LARGE1: variants seen among roughly 807,000 people sequenced by gnomAD.
The protein encoded by LARGE1 is LARGE xylosyl- and glucuronyltransferase 1.
LARGE1 carries 43 observed loss-of-function variants against 87.6 expected under a neutral mutation model. The observed-to-expected ratio is 0.49, with a 90% confidence interval of 0.38 to 0.63. LARGE1 has a LOEUF of 0.63. Among genes scored for constraint, LARGE1 ranks in the 30% least tolerant of loss-of-function variants. The probability of loss-of-function intolerance (pLI) is 0.00; values close to 1 mark genes in which losing one functional copy is unlikely to be tolerated. For synonymous variants in LARGE1, 434 were observed against 394.6 expected (o/e 1.10, Z -1.18); for missense variants, 802 against 1,000.2 (o/e 0.80, Z 2.67).
intron 1 of LARGE1, among the ~76,000 whole-genome samples, chr22:33,804,872 A>G (rs998185131): frequency 4.6e-5 from 7 of 152,194 alleles, no homozygotes; most frequent in African/African-American, 7.2e-5. Context: ...AATGGCCTGC[A>G]AAGGCCAGCA....
chr22:33,602,652 G>A (rs557391946), intron 5 of LARGE1, among the ~76,000 whole-genome samples: 1 of 151,944 alleles, frequency 6.6e-6, no homozygotes, highest in African/African-American at 2.4e-5. Flanking sequence ...CTGACTACAG[G>A]TGTGTGCCGT....
At chr22:33,910,760 G>T (rs759754574) in intron 1 of LARGE1, among the ~76,000 whole-genome samples, 4 of 152,214 alleles carry the variant, frequency 2.6e-5, no homozygotes, top group East Asian at 1.9e-4. Context: ...AGGATGGGGG[G>T]TTGGATCCAG....
At chr22:33,646,758 C>T (rs1024584824) in intron 3 of LARGE1, among the ~76,000 whole-genome samples, 2 of 152,124 alleles carry the variant, frequency 1.3e-5, no homozygotes, top group African/African-American at 2.4e-5. Context: ...GACGGAGTCT[C>T]GCTCTATTGC....
At chr22:33,496,356 C>T (rs1294475489) in intron 6 of LARGE1, among the ~76,000 whole-genome samples, 1 of 152,168 alleles carries the variant, frequency 6.6e-6, no homozygotes, top group Non-Finnish European at 1.5e-5. Context: ...CAAGTTGACA[C>T]TCAATCTTAA....
chr22:33,883,565 C>G (rs2064759099), intron 1 of LARGE1, among the ~76,000 whole-genome samples: 2 of 152,236 alleles, frequency 1.3e-5, no homozygotes, highest in Non-Finnish European at 2.9e-5. Context: ...CACACTGTGC[C>G]CAGGAGACCC....
chr22:33,518,167 C>A (rs1032941877), intron 6 of LARGE1, among the ~76,000 whole-genome samples: 1 of 152,224 alleles, frequency 6.6e-6, no homozygotes, highest in African/African-American at 2.4e-5. Flanking sequence ...TTATGCTGAG[C>A]GCTGCTCTAA....
chr22:33,605,399 A>G (rs2079225081), intron 4 of LARGE1, among the ~76,000 whole-genome samples: 3 of 152,200 alleles, frequency 2.0e-5, no homozygotes. Flanking sequence ...CCGGAGTTAA[A>G]TGGAAACAGG....
At chr22:33,665,105 A>T (rs145210637) in intron 2 of LARGE1, among the ~76,000 whole-genome samples, 1 of 152,256 alleles carries the variant, frequency 6.6e-6, no homozygotes, top group African/African-American at 2.4e-5. Context: ...GTTCATTAGG[A>T]ATCTGCTTAA....
the LARGE1 span, among the ~76,000 whole-genome samples, chr22:33,145,281 G>A: frequency 1.3e-5 from 2 of 152,164 alleles, no homozygotes; most frequent in Non-Finnish European, 2.9e-5. Flanking sequence ...ACCACCATGT[G>A]CCTGCTGTGT....
chr22:33,681,007 T>C (rs1347678104), intron 2 of LARGE1, among the ~76,000 whole-genome samples: 1 of 152,026 alleles, frequency 6.6e-6, no homozygotes, highest in Non-Finnish European at 1.5e-5. Flanking sequence ...TCAGGTTTCT[T>C]AATTTCGCCA....
intron 7 of LARGE1, among the ~76,000 whole-genome samples, chr22:33,416,521 T>G (rs2066489476): frequency 6.6e-6 from 1 of 152,206 alleles, no homozygotes; most frequent in Non-Finnish European, 1.5e-5. Flanking sequence ...TTTTTGGCTC[T>G]ATGTGGGTCA....
chr22:33,369,360 T>A (rs1244419553), intron 9 of LARGE1, among the ~76,000 whole-genome samples: 2 of 152,280 alleles, frequency 1.3e-5, no homozygotes, highest in East Asian at 3.9e-4. Flanking sequence ...TTTCAGAGAC[T>A]CCAGCTAATT....
At chr22:33,281,131 G>C (rs5998840) in intron 13 of LARGE1, among the ~76,000 whole-genome samples, 9,877 of 152,198 alleles carry the variant, frequency 0.065, 1,090 homozygotes, top group African/African-American at 0.23. Flanking sequence ...TTAGCACTTG[G>C]CATGATGGCT....
chr22:33,506,832 C>T (rs2070787172), intron 6 of LARGE1, among the ~76,000 whole-genome samples: 1 of 152,040 alleles, frequency 6.6e-6, no homozygotes, highest in Non-Finnish European at 1.5e-5. Context: ...ACCCAGGAGG[C>T]GGAGGTTGCA....
At chr22:33,086,833 G>C in the LARGE1 span, among the ~76,000 whole-genome samples, 5 of 152,152 alleles carry the variant, frequency 3.3e-5, no homozygotes, top group Non-Finnish European at 7.4e-5. Flanking sequence ...TTACAGGCGT[G>C]AGCCACCAAA....
chr22:33,395,794 T>A (rs1386605415), intron 7 of LARGE1, among the ~76,000 whole-genome samples: 1 of 152,250 alleles, frequency 6.6e-6, no homozygotes, highest in Non-Finnish European at 1.5e-5. Context: ...TGTAGCATTC[T>A]GTAGGATGCT....
intron 12 of LARGE1, among the ~76,000 whole-genome samples, chr22:33,295,007 T>C (rs1428110535): frequency 6.6e-6 from 1 of 152,220 alleles, no homozygotes; most frequent in African/African-American, 2.4e-5. Flanking sequence ...GCACTTATCT[T>C]TGACTAGGTT....
At chr22:33,566,989 C>T (rs1391904201) in intron 5 of LARGE1, among the ~76,000 whole-genome samples, 3 of 152,166 alleles carry the variant, frequency 2.0e-5, no homozygotes, top group African/African-American at 7.2e-5. Context: ...CACCCTACAC[C>T]CAGGCATCAT....
intron 10 of LARGE1, among the ~76,000 whole-genome samples, chr22:33,333,228 C>T (rs1287544609): frequency 6.6e-6 from 1 of 152,064 alleles, no homozygotes; most frequent in Non-Finnish European, 1.5e-5. Flanking sequence ...CCGTGTTAGC[C>T]AGGATGGTCT....
Sources: allele counts gnomAD v4.1 joint callset (sites outside exome capture counted in the v4.1 genomes callset), GRCh38; gene constraint gnomAD v4.1.1; transcripts MANE v1.5; gene names NCBI Gene and HGNC (gene_info 2026-07-23, HGNC 2026-07-21).